Variants in USH2A observed in about 807,000 individuals in gnomAD.
The protein encoded by USH2A is Usher syndrome 2A (autosomal recessive, mild).
A neutral mutation model predicts 538.9 loss-of-function variants in USH2A; 443 were observed. That is an observed-to-expected ratio of 0.82 (90% CI 0.76 to 0.89). The LOEUF (loss-of-function observed/expected upper bound fraction) is 0.89. Among genes scored for constraint, USH2A ranks in the 40% least tolerant of loss-of-function variants. USH2A has a pLI of 0.00. For missense variants in USH2A, 6,633 were observed against 6,324.8 expected (o/e 1.05, Z -1.65); for synonymous variants, 2,413 against 2,273.5 (o/e 1.06, Z -1.75).
intron 71 of USH2A, among the ~76,000 whole-genome samples, chr1:215,627,526 T>G (rs997297903): frequency 6.7e-6 from 1 of 150,318 alleles, no homozygotes; most frequent in Non-Finnish European, 1.5e-5. Flanking sequence ...CCTTCCTTCC[T>G]TTTTTCCTTT....
intron 36 of USH2A, among the ~76,000 whole-genome samples, chr1:215,967,623 G>T (rs944164505): frequency 3.9e-5 from 6 of 151,986 alleles, no homozygotes; most frequent in Non-Finnish European, 5.9e-5. Context: ...CTCCTAAGGG[G>T]GTATAGGGAT....
At chr1:215,687,558 A>G (rs906708617) in intron 61 of USH2A, among the ~76,000 whole-genome samples, 3 of 152,192 alleles carry the variant, frequency 2.0e-5, no homozygotes, top group South Asian at 2.1e-4. Flanking sequence ...ACATTGGGGG[A>G]AAAATGGTTT....
chr1:216,268,926 A>G (rs957091764), intron 11 of USH2A, among the ~76,000 whole-genome samples: 2 of 152,078 alleles, frequency 1.3e-5, no homozygotes, highest in Non-Finnish European at 2.9e-5. Context: ...TTTCTCCTAT[A>G]GCATTTAACT....
chr1:215,969,329 C>G (rs76212130), intron 36 of USH2A, among the ~76,000 whole-genome samples: 2 of 152,108 alleles, frequency 1.3e-5, no homozygotes, highest in African/African-American at 4.8e-5. Flanking sequence ...CTATTCCCCC[C>G]TTCCTATCAG....
chr1:215,791,925 G>A (rs560476654), intron 50 of USH2A, among the ~76,000 whole-genome samples: 34 of 152,148 alleles, frequency 2.2e-4, no homozygotes, highest in African/African-American at 7.0e-4. Context: ...AGAAAAATCC[G>A]TAGCTTCAAG....
intron 37 of USH2A, among the ~76,000 whole-genome samples, chr1:215,938,106 T>C (rs1305033874): frequency 6.6e-6 from 1 of 152,118 alleles, no homozygotes; most frequent in Non-Finnish European, 1.5e-5. Context: ...ATAAGAAGTA[T>C]ATAATTACTC....
chr1:216,281,236 A>T (rs1277565214), intron 11 of USH2A, among the ~76,000 whole-genome samples: 2 of 151,896 alleles, frequency 1.3e-5, no homozygotes, highest in African/African-American at 4.8e-5. Flanking sequence ...CAGTTCTATC[A>T]TTCTTATTTA....
At chr1:216,197,900 G>A (rs1260765158) in intron 18 of USH2A, among the ~76,000 whole-genome samples, 5 of 151,900 alleles carry the variant, frequency 3.3e-5, no homozygotes, top group Admixed American at 1.3e-4. Context: ...ATTTTGGAAA[G>A]ATAAATAAAA....
intron 61 of USH2A, among the ~76,000 whole-genome samples, chr1:215,689,040 G>A (rs1456103427): frequency 6.6e-6 from 1 of 150,770 alleles, no homozygotes; most frequent in Non-Finnish European, 1.5e-5. Flanking sequence ...AGAAGGCAAG[G>A]GAAAGAGAGG....
chr1:215,741,551 A>C lies in USH2A; in HGVS notation c.11549-14T>G, dbSNP rs1660305870. 6.2e-7 allele frequency: 1 copy of C among 1,612,024 alleles called. No individual in the cohort carries two copies. Among genetic ancestry groups the C allele is most frequent in the Non-Finnish European group, 8.5e-7 (1 of 1,179,612 alleles). The stretch of plus-strand genomic sequence containing the variant: ...CTCCACAACTTCCTTGAAAAAAAAA[A>C]AATTGAGGTCTTTATTATTTTTCAA... On this transcript the variant is annotated splice_polypyrimidine_tract_variant and intron_variant, in intron 59 of 71. Coordinates refer to ENST00000307340, the MANE Select transcript of USH2A (RefSeq NM_206933.4).
chr1:216,296,202 T>A (rs1186290122), intron 9 of USH2A, among the ~76,000 whole-genome samples: 1 of 152,102 alleles, frequency 6.6e-6, no homozygotes, highest in Non-Finnish European at 1.5e-5. Flanking sequence ...CAGGTAGTGC[T>A]ACTTTTTAAT....
chr1:216,116,873 A>G lies in USH2A; in HGVS notation c.4628-19660T>C, dbSNP rs116632302. ...CAGAAAACATCAGACAGGATTAGGA[A>G]CTTCCTGAAGATCAATACTTGATCA... On this transcript the variant is annotated intron_variant, in intron 21 of 71. Coordinates refer to ENST00000307340, the MANE Select transcript of USH2A (RefSeq NM_206933.4). Among the ~76,000 whole-genome samples the G allele has an allele frequency of 3.6e-3, 548 of 152,260 alleles. 6 individuals are homozygous for G. Among genetic ancestry groups the G allele is most frequent in the African/African-American group, 0.012 (511 of 41,568 alleles).
At chr1:215,776,788 A>C (rs1416936632) in intron 55 of USH2A, among the ~76,000 whole-genome samples, 1 of 152,214 alleles carries the variant, frequency 6.6e-6, no homozygotes, top group Non-Finnish European at 1.5e-5. Context: ...AAAATACTTC[A>C]GTACTACATT....
chr1:216,412,616 A>G lies in USH2A; in HGVS notation c.651+5898T>C, dbSNP rs115555620. ...TTGTATAAATCATGTAAATATCTGAAGCATTGAAAATATTTATATTACAAA... is the reference window on the plus strand; with the variant it reads ...TTGTATAAATCATGTAAATATCTGAGGCATTGAAAATATTTATATTACAAA... On this transcript the variant is annotated intron_variant, in intron 3 of 71. Coordinates refer to ENST00000307340, the MANE Select transcript of USH2A (RefSeq NM_206933.4). Among the ~76,000 whole-genome samples, 1,216 of 152,078 alleles carry G rather than the reference A, an allele frequency of 8.0e-3. 13 individuals are homozygous for G. The highest frequency in any genetic ancestry group is 0.028 in the African/African-American group (1,161 of 41,540).
chr1:216,262,959 C>G (rs1471354369), intron 11 of USH2A, among the ~76,000 whole-genome samples: 1 of 151,978 alleles, frequency 6.6e-6, no homozygotes, highest in African/African-American at 2.4e-5. Context: ...ACAACTGAAA[C>G]CACAAAAATA....
chr1:215,968,319 A>G (rs897919660), intron 36 of USH2A, among the ~76,000 whole-genome samples: 4 of 152,032 alleles, frequency 2.6e-5, no homozygotes, highest in African/African-American at 9.7e-5. Context: ...CCACAGGAGA[A>G]TCATTGTGGG....
chr1:215,723,304 G>A (rs932872126), intron 61 of USH2A, among the ~76,000 whole-genome samples: 3 of 152,156 alleles, frequency 2.0e-5, no homozygotes, highest in Non-Finnish European at 2.9e-5. Flanking sequence ...TGCTGCTGCC[G>A]CTGCTGCTGT....
intron 18 of USH2A, 45 bp downstream of exon 18, chr1:216,198,264 ACATTTG>A: frequency 6.2e-7 from 1 of 1,612,302 alleles, no homozygotes; most frequent in East Asian, 2.2e-5. Context: ...ATTTGAGGAA[ACATTTG>A]CATTCAGAGG....
At chr1:216,033,402 T>C (rs1334994817) in intron 32 of USH2A, among the ~76,000 whole-genome samples, 2 of 152,130 alleles carry the variant, frequency 1.3e-5, no homozygotes, top group African/African-American at 4.8e-5. Context: ...TGTAAAGAAC[T>C]GGGGAAAGTA....
Sources: allele counts gnomAD v4.1 joint callset (sites outside exome capture counted in the v4.1 genomes callset), GRCh38; gene constraint gnomAD v4.1.1; transcripts MANE v1.5; gene names NCBI Gene and HGNC (gene_info 2026-07-23, HGNC 2026-07-21).